Variants in FAM107B observed in about 807,000 individuals in gnomAD.
FAM107B encodes the protein family with sequence similarity 107 member B, also known as protein FAM107B.
A neutral mutation model predicts 31.5 loss-of-function variants in FAM107B; 21 were observed. The ratio of observed to expected loss-of-function variants is 0.67; its 90% confidence interval spans 0.47 to 0.96. The LOEUF (loss-of-function observed/expected upper bound fraction) is 0.96. Among genes scored for constraint, FAM107B ranks in the 40% least tolerant of loss-of-function variants. The pLI is 0.00. For missense variants in FAM107B, 452 were observed against 377.1 expected (o/e 1.20, Z -1.64); for synonymous variants, 157 against 141.5 (o/e 1.11, Z -0.78).
At chr10:14,628,076 T>C (rs1853210806) in intron 2 of FAM107B, among the ~76,000 whole-genome samples, 1 of 151,624 alleles carries the variant, frequency 6.6e-6, no homozygotes, top group Non-Finnish European at 1.5e-5. Flanking sequence ...AGCTCTTTCT[T>C]TCTGTTTGTT....
chr10:14,724,428 T>C (rs1855982600), intron 1 of FAM107B, among the ~76,000 whole-genome samples: 1 of 152,196 alleles, frequency 6.6e-6, no homozygotes, highest in Non-Finnish European at 1.5e-5. Flanking sequence ...AAGGGTTTAT[T>C]TCTAAAATCT....
At chr10:14,764,387 G>A (rs924540919) in intron 1 of FAM107B, among the ~76,000 whole-genome samples, 4 of 152,100 alleles carry the variant, frequency 2.6e-5, no homozygotes, top group Non-Finnish European at 5.9e-5. Flanking sequence ...TCCAACAGTT[G>A]CCTCAGTTGT....
chr10:14,568,398 A>G (rs6602738), intron 2 of FAM107B, among the ~76,000 whole-genome samples: 22,187 of 39,738 alleles, frequency 0.56, 4,126 homozygotes, highest in Admixed American at 0.65. Flanking sequence ...ACTGGAGGAG[A>G]AGGCTGGCTG....
At chr10:14,638,988 C>T (rs1263789519) in intron 2 of FAM107B, among the ~76,000 whole-genome samples, 4 of 151,980 alleles carry the variant, frequency 2.6e-5, no homozygotes, top group East Asian at 1.9e-4. Context: ...TCCAGGATTT[C>T]GAGACCAGTC....
intron 2 of FAM107B, among the ~76,000 whole-genome samples, chr10:14,660,952 G>A (rs1854222299): frequency 6.6e-6 from 1 of 152,154 alleles, no homozygotes; most frequent in African/African-American, 2.4e-5. Context: ...GGCAGGAGGT[G>A]ACTGGATCAT....
intron 2 of FAM107B, among the ~76,000 whole-genome samples, chr10:14,631,081 T>C (rs7909460): frequency 0.042 from 6,361 of 152,272 alleles, 206 homozygotes; most frequent in African/African-American, 0.089. Flanking sequence ...CTCTTTCTAT[T>C]GTACTGATCA....
intron 2 of FAM107B, among the ~76,000 whole-genome samples, chr10:14,582,375 C>CTTTTTTTTTTTTTTTTTTTTTTTT (rs71388188): frequency 8.9e-6 from 1 of 112,084 alleles, no homozygotes; most frequent in African/African-American, 3.5e-5. Context: ...TTTTTCTTTT[C>CTTTTTTTTTTTTTTTTTTTTTTTT]TTTTTTTTTT....
intron 1 of FAM107B, among the ~76,000 whole-genome samples, chr10:14,730,957 A>G (rs1413462022): frequency 1.3e-5 from 2 of 152,040 alleles, no homozygotes; most frequent in Non-Finnish European, 2.9e-5. Context: ...GAGGCAGAAG[A>G]TCAAAGCCGA....
intron 1 of FAM107B, among the ~76,000 whole-genome samples, chr10:14,767,030 A>G (rs1223910341): frequency 7.1e-4 from 17 of 24,056 alleles, no homozygotes; most frequent in African/African-American, 1.7e-3. Context: ...GTATGTATAT[A>G]TATATATATA....
rs184098519 is a variant in FAM107B, at chr10:14,675,627, A to G, written c.412-7936T>C. Among the ~76,000 whole-genome samples the G allele has an allele frequency of 8.5e-5, 13 of 152,330 alleles. No individual in the cohort carries two copies. In the East Asian group the frequency reaches 2.1e-3, roughly 25 times the overall value. ...AATTTTAAAGAAATGTTTCCCTATCATGAAACATTTAAAGAGTTTTCAGAT... is the reference window on the plus strand; with the variant it reads ...AATTTTAAAGAAATGTTTCCCTATCGTGAAACATTTAAAGAGTTTTCAGAT... On this transcript the variant is annotated intron_variant, in intron 1 of 4. Coordinates refer to ENST00000181796, the MANE Select transcript of FAM107B (RefSeq NM_031453.4).
chr10:14,606,471 T>A (rs1230459361), intron 2 of FAM107B, among the ~76,000 whole-genome samples: 1 of 152,210 alleles, frequency 6.6e-6, no homozygotes, highest in African/African-American at 2.4e-5. Context: ...CCTAATGTAA[T>A]ATCTGGCATA....
intron 2 of FAM107B, among the ~76,000 whole-genome samples, chr10:14,531,784 G>A (rs12569568): frequency 0.16 from 24,981 of 152,058 alleles, 2,437 homozygotes; most frequent in Middle Eastern, 0.28. Flanking sequence ...GCAGTGAGCC[G>A]AGATCGCACC....
intron 3 of FAM107B, among the ~76,000 whole-genome samples, chr10:14,525,610 G>T (rs1182295847): frequency 6.6e-6 from 1 of 151,968 alleles, no homozygotes; most frequent in Non-Finnish European, 1.5e-5. Flanking sequence ...CCAACAGTTG[G>T]GTCTATGTTC....
chr10:14,615,851 T>C (rs184391025), intron 2 of FAM107B, among the ~76,000 whole-genome samples: 1 of 152,226 alleles, frequency 6.6e-6, no homozygotes, highest in Non-Finnish European at 1.5e-5. Flanking sequence ...CTTGTCAACT[T>C]TGAAGGCAGG....
At chr10:14,626,770 T>A (rs1381381535) in intron 2 of FAM107B, among the ~76,000 whole-genome samples, 1 of 152,144 alleles carries the variant, frequency 6.6e-6, no homozygotes, top group African/African-American at 2.4e-5. Context: ...GATCATTTTA[T>A]AGTATTAGTT....
At chr10:14,737,944 G>C (rs1856347007) in intron 1 of FAM107B, among the ~76,000 whole-genome samples, 1 of 152,068 alleles carries the variant, frequency 6.6e-6, no homozygotes. Context: ...ATGTATTCAT[G>C]GATAAAAACT....
At chr10:14,774,133 C>T in intron 1 of FAM107B, 120 bp downstream of exon 1, 4 of 1,244,414 alleles carry the variant, frequency 3.2e-6, no homozygotes, top group Admixed American at 2.7e-5. Context: ...CTAGTGAGAA[C>T]GCCCGCAATG....
intron 2 of FAM107B, among the ~76,000 whole-genome samples, chr10:14,579,431 T>C (rs1048905910): frequency 2.0e-5 from 3 of 152,218 alleles, no homozygotes; most frequent in African/African-American, 7.2e-5. Context: ...TATTGCAAAG[T>C]AACCAAAATC....
intron 1 of FAM107B, among the ~76,000 whole-genome samples, chr10:14,669,927 C>T (rs1055957035): frequency 1.3e-5 from 2 of 152,118 alleles, no homozygotes; most frequent in South Asian, 2.1e-4. Flanking sequence ...GAAGAGAGAA[C>T]TTGAAATGTT....
Sources: gnomAD v4.1 joint callset for allele counts (sites outside exome capture counted in the v4.1 genomes callset) on GRCh38, gnomAD v4.1.1 for gene constraint, MANE v1.5 for transcripts, NCBI Gene and HGNC (gene_info 2026-07-23, HGNC 2026-07-21) for gene names.